Variants in RHBDL3 observed in about 807,000 individuals in gnomAD.
RHBDL3 encodes rhomboid-related protein 3.
A neutral mutation model predicts 48.2 loss-of-function variants in RHBDL3; 28 were observed. That is an observed-to-expected ratio of 0.58 (90% CI 0.43 to 0.80). The LOEUF (loss-of-function observed/expected upper bound fraction) is 0.80, where lower values mean the gene tolerates loss of function less well. RHBDL3 is among the 30% of genes least tolerant of loss of function. RHBDL3 has a pLI of 0.00. For synonymous variants in RHBDL3, 208 were observed against 232.3 expected, an observed-to-expected ratio of 0.90 and a Z score of 0.95; for missense variants, 464 against 542.7, an observed-to-expected ratio of 0.85 and a Z score of 1.44.
rs941688329 is a variant in RHBDL3, at chr17:32,316,382, T to C, written c.943+90T>C. Reference sequence around the variant, plus strand: ...ACAGTTCCTGCCCTTCACGGGCTTATGGTCAAGAAAAAAAAAGTGGGACAT... The same window carrying C: ...ACAGTTCCTGCCCTTCACGGGCTTACGGTCAAGAAAAAAAAAGTGGGACAT... On this transcript the variant is annotated intron_variant, in intron 8 of 8. Coordinates refer to ENST00000269051, the MANE Select transcript of RHBDL3 (RefSeq NM_138328.3). 6 of 975,018 alleles carry C rather than the reference T, an allele frequency of 6.2e-6. No homozygotes were observed. The Admixed American group carries it at 1.3e-4, about 21-fold the overall frequency. The allele number at this position is 975,018 out of a possible 1,614,324, so 60.4% of individuals were successfully genotyped here.
At chr17:32,306,284 C>T (rs1368810106) in intron 7 of RHBDL3, among the ~76,000 whole-genome samples, 2 of 152,034 alleles carry the variant, frequency 1.3e-5, no homozygotes, top group African/African-American at 4.8e-5. Flanking sequence ...ATTAGCTGGG[C>T]GTGGTGGCAC....
intron 4 of RHBDL3, among the ~76,000 whole-genome samples, chr17:32,291,431 C>T (rs1356077889): frequency 6.6e-6 from 1 of 151,932 alleles, no homozygotes; most frequent in Non-Finnish European, 1.5e-5. Context: ...CCTGTAATTC[C>T]AGCACCTTGG....
At chr17:32,284,387 T>G in intron 2 of RHBDL3, 5 of 374,514 alleles carry the variant, frequency 1.3e-5, no homozygotes, top group East Asian at 4.8e-5. Flanking sequence ...TCCCTCTCCA[T>G]GGTGAGAGGA....
At chr17:32,309,177 GGAGT>G (rs1418385727) in intron 7 of RHBDL3, among the ~76,000 whole-genome samples, 1 of 98,254 alleles carries the variant, frequency 1.0e-5, no homozygotes, top group Non-Finnish European at 2.3e-5. Context: ...ATGAAGGTTT[GGAGT>G]GTGTGTGTGT....
rs540051473 is a variant in RHBDL3 at position 32,305,945 on chromosome 17, A to G, written c.882+504A>G. Among the ~76,000 whole-genome samples, 28 of 151,926 alleles carry G rather than the reference A, an allele frequency of 1.8e-4. No individual in the cohort carries two copies. In the South Asian group the frequency reaches 3.7e-3, roughly 20 times the overall value. On this transcript the variant is annotated intron_variant, in intron 7 of 8. Coordinates refer to ENST00000269051, the MANE Select transcript of RHBDL3 (RefSeq NM_138328.3). ...AAAAAAAAAAAATTTGGTCACTAGCATATATGGCCATTGGAATTGCTTATT... is the reference window on the plus strand; with the variant it reads ...AAAAAAAAAAAATTTGGTCACTAGCGTATATGGCCATTGGAATTGCTTATT...
chr17:32,287,263 C>T (rs1042883836), intron 3 of RHBDL3, among the ~76,000 whole-genome samples: 5 of 152,150 alleles, frequency 3.3e-5, no homozygotes, highest in African/African-American at 9.7e-5. Context: ...GTGCACTCCC[C>T]TGTGCAGGTG....
chr17:32,301,036 C>T (rs1443691930), intron 6 of RHBDL3, among the ~76,000 whole-genome samples: 7 of 152,146 alleles, frequency 4.6e-5, no homozygotes, highest in South Asian at 2.1e-4. Flanking sequence ...CCCACCACCG[C>T]GCCCGGCTAA....
At chr17:32,320,296 G>A (rs936113786) in intron 8 of RHBDL3, among the ~76,000 whole-genome samples, 3 of 152,002 alleles carry the variant, frequency 2.0e-5, no homozygotes, top group African/African-American at 4.8e-5. Context: ...CTGTTAAGGG[G>A]TCAATTCAGC....
Position 32,305,460 on chromosome 17 carries a change from CA to C in RHBDL3, c.882+21del, listed in dbSNP as rs774394584. On this transcript the variant is annotated intron_variant, in intron 7 of 8. Coordinates refer to ENST00000269051, the MANE Select transcript of RHBDL3 (RefSeq NM_138328.3). ...TGTCATGGTGAGCACCTCCCGTTCT[CA>C]ATGTGTCTTTCTGGCCCTGTCCTCT... 47 of 1,518,002 alleles carry C rather than the reference CA, an allele frequency of 3.1e-5. No individual in the cohort carries two copies. Among genetic ancestry groups the C allele is most frequent in the Non-Finnish European group, 4.3e-5 (47 of 1,092,384 alleles). The allele number at this position is 1,518,002 out of a possible 1,614,324, so 94.0% of individuals were successfully genotyped here. A position where few individuals can be genotyped will look rare whatever the true frequency, so the allele number is the denominator to read the frequency against.
intron 2 of RHBDL3, among the ~76,000 whole-genome samples, chr17:32,272,981 T>G (rs1307883150): frequency 6.6e-6 from 1 of 152,086 alleles, no homozygotes; most frequent in Non-Finnish European, 1.5e-5. Flanking sequence ...TCTTGTCCAG[T>G]CTGCTCATTT....
chr17:32,267,249 C>T (rs572749607), intron 1 of RHBDL3, among the ~76,000 whole-genome samples: 1 of 152,236 alleles, frequency 6.6e-6, no homozygotes, highest in South Asian at 2.1e-4. Flanking sequence ...TTCCTTCTGG[C>T]CCTAAACCCC....
At chr17:32,306,465 G>A (rs986542719) in intron 7 of RHBDL3, among the ~76,000 whole-genome samples, 2 of 152,266 alleles carry the variant, frequency 1.3e-5, no homozygotes, top group Non-Finnish European at 2.9e-5. Context: ...GTCATGGGAG[G>A]GGGGCACCAC....
At chr17:32,297,878 C>T (rs1318874829) in intron 5 of RHBDL3, among the ~76,000 whole-genome samples, 2 of 152,036 alleles carry the variant, frequency 1.3e-5, no homozygotes, top group Non-Finnish European at 2.9e-5. Context: ...AGGCCTTGCA[C>T]ATCTGTTCCT....
chr17:32,316,050 G>A (rs1283876182), intron 7 of RHBDL3, among the ~76,000 whole-genome samples, 182 bp from the exon 8 acceptor site: 6 of 152,046 alleles, frequency 3.9e-5, no homozygotes, highest in Non-Finnish European at 7.3e-5. Context: ...CTCTTATGAC[G>A]GGAGTAAACT....
In RHBDL3 at chr17:32,322,679, G is replaced by A. The variant is rs543526025; in HGVS notation, c.*1450G>A. 3 of 152,332 alleles carry A rather than the reference G, an allele frequency of 2.0e-5. No homozygotes were observed. The East Asian group carries it at 5.8e-4, about 29-fold the overall frequency. The allele number at this position is 152,332 out of a possible 1,614,324, so 9.4% of individuals were successfully genotyped here. A position where few individuals can be genotyped will look rare whatever the true frequency, so the allele number is the denominator to read the frequency against. ...GGCAGCCAGTAGCCTCGGAGGCTTG[G>A]ATGCGGGAGAGAACATGGTGGTTAT... On this transcript the variant is annotated 3_prime_UTR_variant, in exon 9 of 9. Coordinates refer to ENST00000269051, the MANE Select transcript of RHBDL3 (RefSeq NM_138328.3).
chr17:32,285,313 C>T (rs1356225605), intron 3 of RHBDL3, among the ~76,000 whole-genome samples: 3 of 152,164 alleles, frequency 2.0e-5, no homozygotes, highest in Admixed American at 6.5e-5. Flanking sequence ...TTGCCCCACT[C>T]CTGTAGCTGA....
intron 8 of RHBDL3, among the ~76,000 whole-genome samples, chr17:32,319,579 G>A (rs111376825): frequency 1.3e-5 from 2 of 152,156 alleles, no homozygotes; most frequent in African/African-American, 2.4e-5. Flanking sequence ...GTGGGAGTGC[G>A]GAGGGCGGAG....
chr17:32,266,545 G>T (rs2039635729), intron 1 of RHBDL3, among the ~76,000 whole-genome samples: 1 of 151,960 alleles, frequency 6.6e-6, no homozygotes, highest in South Asian at 2.1e-4. Context: ...CTGCGCCGCG[G>T]ACCTGTCACC....
At chr17:32,313,841 C>T (rs898380182) in intron 7 of RHBDL3, among the ~76,000 whole-genome samples, 1 of 143,436 alleles carries the variant, frequency 7.0e-6, no homozygotes, top group African/African-American at 2.6e-5. Flanking sequence ...ACTGCAAGCT[C>T]TGCCTCCCGA....
Sources: gnomAD v4.1 joint callset for allele counts (sites outside exome capture counted in the v4.1 genomes callset) on GRCh38, gnomAD v4.1.1 for gene constraint, MANE v1.5 for transcripts, NCBI Gene and HGNC (gene_info 2026-07-23, HGNC 2026-07-21) for gene names.